The following OR2L13 variants were observed in gnomAD, a reference collection of about 807,000 sequenced individuals.
OR2L13 encodes olfactory receptor 2L13.
Under a neutral mutation model 15.3 loss-of-function variants are expected in OR2L13, and 14 were observed. The ratio of observed to expected loss-of-function variants is 0.91; its 90% CI spans 0.60 to 1.43. The LOEUF is 1.43. Among genes scored for constraint, OR2L13 ranks in the 40% most tolerant of loss-of-function variants. The pLI is 0.00. For synonymous variants in OR2L13, 152 were observed against 142.9 expected, an observed-to-expected ratio of 1.06 and a Z score of -0.45; for missense variants, 367 against 387.9, an observed-to-expected ratio of 0.95 and a Z score of 0.45.
At chr1:247,991,025 C>T in the OR2L13 span, 5 of 1,538,694 alleles carry the variant, frequency 3.2e-6, no homozygotes, top group Non-Finnish European at 4.5e-6. Context: ...TACTATGCAC[C>T]CTTTGCTTAT....
chr1:248,063,801 T>C, the OR2L13 span, among the ~76,000 whole-genome samples: 4,027 of 152,048 alleles, frequency 0.026, 161 homozygotes, highest in African/African-American at 0.09. Context: ...TGCGTGTGTG[T>C]GTGTGTGTGT....
chr1:247,977,458 T>C, the OR2L13 span, among the ~76,000 whole-genome samples: 10 of 152,230 alleles, frequency 6.6e-5, no homozygotes, highest in Admixed American at 6.5e-4. Flanking sequence ...GTCATGGGAA[T>C]GATTCCTGTA....
chr1:248,018,152 C>CAAAA, the OR2L13 span, among the ~76,000 whole-genome samples: 9 of 139,912 alleles, frequency 6.4e-5, no homozygotes, highest in African/African-American at 2.8e-4. Flanking sequence ...GACTCCATCT[C>CAAAA]AAAAAAATAA....
chr1:248,003,317 A>C, the OR2L13 span: 2 of 1,588,146 alleles, frequency 1.3e-6, no homozygotes, highest in East Asian at 4.5e-5. Context: ...TTTCCTACTT[A>C]GTCAGCTCTC....
the OR2L13 span, chr1:248,022,967 A>G: frequency 1.6e-6 from 2 of 1,234,906 alleles, no homozygotes; most frequent in South Asian, 1.6e-5. Context: ...ACATTATTAC[A>G]TGCCCAGTAT....
chr1:247,955,471 C>T, the OR2L13 span, among the ~76,000 whole-genome samples: 4 of 151,724 alleles, frequency 2.6e-5, no homozygotes, highest in African/African-American at 7.3e-5. Context: ...CCCAGTAATG[C>T]GATGGCTGGG....
chr1:247,940,360 T>C, the OR2L13 span, among the ~76,000 whole-genome samples: 837 of 152,264 alleles, frequency 5.5e-3, 12 homozygotes, highest in African/African-American at 0.019. Flanking sequence ...GTTTTATTAA[T>C]AGGAAAAACT....
At chr1:247,948,841 G>A in the OR2L13 span, 1 of 1,581,750 alleles carries the variant, frequency 6.3e-7, no homozygotes, top group South Asian at 1.2e-5. Flanking sequence ...CTTCCGAATG[G>A]ATTGTAGGAA....
the OR2L13 span, among the ~76,000 whole-genome samples, chr1:248,055,616 G>T: frequency 1.3e-5 from 2 of 152,160 alleles, no homozygotes; most frequent in Non-Finnish European, 2.9e-5. Context: ...AATTAGCCAG[G>T]CATGGTGTTG....
the OR2L13 span, among the ~76,000 whole-genome samples, chr1:247,960,633 A>G: frequency 0.8 from 121,410 of 152,072 alleles, 52,653 homozygotes; most frequent in South Asian, 0.95. Context: ...CTCAAGCCTC[A>G]GCAATGGCAG....
chr1:248,040,639 T>C, the OR2L13 span: 1 of 152,228 alleles, frequency 6.6e-6, no homozygotes. Flanking sequence ...TATTCTTTTT[T>C]AGCTCACTTT....
At chr1:247,983,580 AT>A in the OR2L13 span, among the ~76,000 whole-genome samples, 1 of 130,058 alleles carries the variant, frequency 7.7e-6, no homozygotes, top group Non-Finnish European at 1.5e-5. Flanking sequence ...TAAGAAAAAA[AT>A]GTCCTTAAAT....
At chr1:248,078,925 A>T in the OR2L13 span, among the ~76,000 whole-genome samples, 2 of 152,198 alleles carry the variant, frequency 1.3e-5, no homozygotes, top group Admixed American at 6.5e-5. Flanking sequence ...CTATGCGATG[A>T]AATTATAGTG....
At chr1:248,074,385 A>T in the OR2L13 span, among the ~76,000 whole-genome samples, 3 of 94,880 alleles carry the variant, frequency 3.2e-5, no homozygotes, top group East Asian at 2.0e-3. Flanking sequence ...AAAATGTGTT[A>T]AAAAAAAAAA....
At chr1:247,986,393 G>C in the OR2L13 span, among the ~76,000 whole-genome samples, 5,872 of 151,904 alleles carry the variant, frequency 0.039, 336 homozygotes, top group African/African-American at 0.13. Flanking sequence ...GCTTGTTTTT[G>C]TCAGGTTTGT....
At chr1:248,003,076 A>G in the OR2L13 span, 2 of 893,632 alleles carry the variant, frequency 2.2e-6, no homozygotes, top group Non-Finnish European at 1.8e-6. Context: ...ATAAGGATGA[A>G]TTTCTGTCTT....
chr1:248,071,689 C>G, the OR2L13 span, among the ~76,000 whole-genome samples: 2 of 151,280 alleles, frequency 1.3e-5, no homozygotes, highest in Non-Finnish European at 3.0e-5. Context: ...GTCAAATTGT[C>G]CCTGTTTGCA....
the OR2L13 span, chr1:248,039,575 C>T: frequency 1.2e-5 from 2 of 162,376 alleles, no homozygotes; most frequent in East Asian, 1.8e-4. Context: ...TGTGAGCCAC[C>T]ATGCCCTGCC....
the OR2L13 span, among the ~76,000 whole-genome samples, chr1:247,996,436 TA>T: frequency 6.6e-6 from 1 of 152,194 alleles, no homozygotes; most frequent in Non-Finnish European, 1.5e-5. Flanking sequence ...AAATGTAAAA[TA>T]AAGAGCTCAG....
Sources: gnomAD v4.1 joint callset for allele counts (sites outside exome capture counted in the v4.1 genomes callset) on GRCh38, gnomAD v4.1.1 for gene constraint, MANE v1.5 for transcripts, NCBI Gene and HGNC (gene_info 2026-07-23, HGNC 2026-07-21) for gene names.